Variants in DOCK2 observed in about 807,000 individuals in gnomAD.
DOCK2 encodes dedicator of cytokinesis 2, also known as dedicator of cytokinesis protein 2.
In DOCK2, 87 loss-of-function variants were observed where a neutral mutation model predicts 248.9. That is an observed-to-expected ratio of 0.35 (90% CI 0.29 to 0.42). The LOEUF (loss-of-function observed/expected upper bound fraction) is 0.42, where lower values mean the gene tolerates loss of function less well. Ranked by LOEUF, DOCK2 falls within the 10% of genes least tolerant of loss-of-function variation. DOCK2 has a pLI of 1.00. For synonymous variants in DOCK2, 805 were observed against 821.6 expected (o/e 0.98, Z 0.35); for missense variants, 1,747 against 2,300.2 (o/e 0.76, Z 4.92).
At chr5:169,899,598 G>A (rs73325939) in intron 27 of DOCK2, among the ~76,000 whole-genome samples, 1,964 of 152,276 alleles carry the variant, frequency 0.013, 41 homozygotes, top group African/African-American at 0.045. Context: ...GTTTGGAGCA[G>A]GACTAGGAAG....
chr5:169,717,680 G>A (rs2113553567), intron 21 of DOCK2, among the ~76,000 whole-genome samples, 196 bp downstream of exon 21: 1 of 152,318 alleles, frequency 6.6e-6, no homozygotes, highest in South Asian at 2.1e-4. Context: ...TTGGATGAAT[G>A]CCTTATGGTT....
chr5:169,950,770 G>C (rs910792579), intron 27 of DOCK2, among the ~76,000 whole-genome samples: 4 of 152,194 alleles, frequency 2.6e-5, no homozygotes, highest in Admixed American at 6.5e-5. Context: ...ATCAGGACCA[G>C]ATTCTGTCCC....
chr5:169,969,424 GAC>G (rs1777420386), intron 27 of DOCK2, among the ~76,000 whole-genome samples: 1 of 152,258 alleles, frequency 6.6e-6, no homozygotes, highest in East Asian at 1.9e-4. Flanking sequence ...CAGCCTGGGT[GAC>G]AGAGTGAGGC....
chr5:169,692,460 A>G (rs1330573211), intron 9 of DOCK2, among the ~76,000 whole-genome samples: 1 of 146,640 alleles, frequency 6.8e-6, no homozygotes, highest in East Asian at 2.1e-4. Context: ...AGAGAATATA[A>G]TGTGAATATA....
At chr5:169,739,473 T>C (rs1763201001) in intron 22 of DOCK2, among the ~76,000 whole-genome samples, 1 of 152,180 alleles carries the variant, frequency 6.6e-6, no homozygotes. Context: ...AGAGTAGATC[T>C]CTCTTTTTAA....
intron 29 of DOCK2, among the ~76,000 whole-genome samples, chr5:169,992,830 C>T (rs1778243580): frequency 6.6e-6 from 1 of 151,938 alleles, no homozygotes; most frequent in Non-Finnish European, 1.5e-5. Flanking sequence ...CAAACCCAAA[C>T]ATGGGCACCC....
intron 23 of DOCK2, among the ~76,000 whole-genome samples, chr5:169,755,614 G>T (rs867538169): frequency 2.0e-5 from 3 of 152,020 alleles, no homozygotes; most frequent in Admixed American, 6.5e-5. Flanking sequence ...CGTGGTGGCG[G>T]GTGCCTATAA....
At chr5:169,926,226 C>T (rs774731517) in intron 27 of DOCK2, among the ~76,000 whole-genome samples, 57 of 152,184 alleles carry the variant, frequency 3.7e-4, no homozygotes, top group Admixed American at 1.3e-4. Context: ...TTGGGGACCA[C>T]GGGGAAGCCA....
At chr5:169,765,715 G>T (rs142788950) in intron 25 of DOCK2, among the ~76,000 whole-genome samples, 4 of 152,312 alleles carry the variant, frequency 2.6e-5, no homozygotes, top group Non-Finnish European at 5.9e-5. Flanking sequence ...AGGGAAGAAG[G>T]GGGGAGAGAG....
At chr5:170,052,084 G>A (rs988960780) in intron 41 of DOCK2, among the ~76,000 whole-genome samples, 2 of 152,202 alleles carry the variant, frequency 1.3e-5, no homozygotes, top group Non-Finnish European at 2.9e-5. Context: ...GCATTGCACC[G>A]TTTAGCACAA....
intron 27 of DOCK2, among the ~76,000 whole-genome samples, chr5:169,895,088 G>C (rs1773522584): frequency 6.6e-6 from 1 of 152,170 alleles, no homozygotes; most frequent in Admixed American, 6.5e-5. Flanking sequence ...GCCTGTACAA[G>C]CTGTGAAGCC....
chr5:169,938,834 T>C (rs941562286), intron 27 of DOCK2, among the ~76,000 whole-genome samples: 1 of 152,238 alleles, frequency 6.6e-6, no homozygotes, highest in African/African-American at 2.4e-5. Flanking sequence ...AACACAAATA[T>C]TGTATAACTG....
chr5:169,798,838 A>G (rs546554553), intron 25 of DOCK2, among the ~76,000 whole-genome samples: 23 of 152,228 alleles, frequency 1.5e-4, no homozygotes, highest in Non-Finnish European at 3.4e-4. Context: ...GCCTTTACAT[A>G]GTTCCTTCCT....
At position 170,057,627 on chromosome 5, in the gene DOCK2, G is replaced by A. The variant is rs147192858; in HGVS notation, c.4428G>A (p.Pro1476=). ...RTSFVTAYKL[P]GILRWFEVVH... The stretch of plus-strand genomic sequence containing the variant: ...CCTTCGTGACTGCATACAAGCTGCC[G>A]GGGATCCTGCGCTGGTTTGAGGTGG... Residue 1476 remains proline, a synonymous_variant, in exon 44 of 52, where the codon CCG becomes CCA. Transcript: ENST00000520908. The A allele has an allele frequency of 7.4e-5, 120 of 1,613,972 alleles. No individual in the cohort carries two copies. Among genetic ancestry groups the A allele is most frequent in the Middle Eastern group, 6.6e-4 (4 of 6,062 alleles).
chr5:169,758,941 A>G (rs1265486299), intron 23 of DOCK2, among the ~76,000 whole-genome samples: 1 of 152,254 alleles, frequency 6.6e-6, no homozygotes, highest in Non-Finnish European at 1.5e-5. Context: ...AAAAATAAAT[A>G]AAAAATGCAT....
intron 25 of DOCK2, among the ~76,000 whole-genome samples, chr5:169,781,787 G>A (rs769538699): frequency 2.0e-5 from 3 of 152,122 alleles, no homozygotes; most frequent in East Asian, 1.9e-4. Context: ...CCCCTCTCCC[G>A]CCCCCACAGA....
intron 26 of DOCK2, among the ~76,000 whole-genome samples, chr5:169,808,576 T>C (rs986708806): frequency 7.1e-6 from 1 of 140,826 alleles, no homozygotes; most frequent in African/African-American, 2.6e-5. Flanking sequence ...TCTTCCTCTA[T>C]TAACTCCTTT....
chr5:169,916,682 T>G (rs1774891259), intron 27 of DOCK2, among the ~76,000 whole-genome samples: 1 of 43,908 alleles, frequency 2.3e-5, no homozygotes, highest in Non-Finnish European at 3.8e-5. Flanking sequence ...TTTCAAAATA[T>G]GAGAGACTTT....
At chr5:169,975,483 C>A (rs186872361) in intron 27 of DOCK2, among the ~76,000 whole-genome samples, 2 of 152,146 alleles carry the variant, frequency 1.3e-5, no homozygotes, top group Non-Finnish European at 2.9e-5. Flanking sequence ...ATATACGGAG[C>A]CTTCCCTCAG....
Sources: gnomAD v4.1 joint callset for allele counts (sites outside exome capture counted in the v4.1 genomes callset) on GRCh38, gnomAD v4.1.1 for gene constraint, MANE v1.5 for transcripts, NCBI Gene and HGNC (gene_info 2026-07-23, HGNC 2026-07-21) for gene names.